Variants in HERC1 observed in about 807,000 individuals in gnomAD.
HERC1 encodes probable E3 ubiquitin-protein ligase HERC1.
Under a neutral mutation model 554.3 loss-of-function variants are expected in HERC1, and 160 were observed. The observed-to-expected ratio is 0.29, with a 90% CI of 0.25 to 0.33. HERC1 has a LOEUF of 0.33. Ranked by LOEUF, HERC1 falls within the 10% of genes least tolerant of loss-of-function variation. HERC1 has a pLI of 1.00. For missense variants in HERC1, 4,919 were observed against 5,918.5 expected (o/e 0.83, Z 5.54); for synonymous variants, 2,175 against 2,131.7 (o/e 1.02, Z -0.56).
At chr15:63,673,264 T>C (rs1354728003) in intron 38 of HERC1, among the ~76,000 whole-genome samples, 1 of 152,114 alleles carries the variant, frequency 6.6e-6, no homozygotes, top group African/African-American at 2.4e-5. Context: ...ATAACTAAAA[T>C]ATGAGTTGCT....
Position 63,674,211 on chromosome 15 carries a change from T to G in HERC1, c.7846+131A>C, listed in dbSNP as rs887398893. 8.4e-6 allele frequency: 5 copies of G among 596,748 alleles called. No homozygotes were observed. The South Asian group carries it at 1.4e-4, about 17-fold the overall frequency. 37.0% of individuals were successfully genotyped at this position (596,748 alleles called of 1,614,324 possible). On this transcript the variant is annotated intron_variant, in intron 38 of 77. Coordinates refer to ENST00000443617, the MANE Select transcript of HERC1 (RefSeq NM_003922.4). Reference sequence around the variant, plus strand: ...GAACTGTTTTCAAGAAAAAATGATGTGAAAATTGCTTTGACCAAAAAAAAA... The same window carrying G: ...GAACTGTTTTCAAGAAAAAATGATGGGAAAATTGCTTTGACCAAAAAAAAA...
chr15:63,754,715 C>T (rs908437157), intron 6 of HERC1, 67 bp from the exon 7 acceptor site: 2 of 1,406,956 alleles, frequency 1.4e-6, no homozygotes, highest in Non-Finnish European at 1.9e-6. Flanking sequence ...CTTGACTTCA[C>T]AAGTATAATA....
chr15:63,698,137 C>T (rs1012522221), intron 26 of HERC1, among the ~76,000 whole-genome samples: 1 of 152,052 alleles, frequency 6.6e-6, no homozygotes, highest in African/African-American at 2.4e-5. Flanking sequence ...GGCTCAGGGC[C>T]AGGAGTGGTG....
rs145087801 is a variant in HERC1 at position 63,717,689 on chromosome 15, G to A, written c.3978+885C>T. ...AGTTCAAAACCAGCCTGGTCAACAC[G>A]GTGAAACCCCATGTCTACTAAAAAT... On this transcript the variant is annotated intron_variant, in intron 21 of 77. Transcript: ENST00000443617. Among the ~76,000 whole-genome samples the A allele has an allele frequency of 6.1e-3, 929 of 152,150 alleles. 5 individuals are homozygous for A. Among genetic ancestry groups the A allele is most frequent in the Non-Finnish European group, 0.011 (765 of 67,982 alleles).
intron 3 of HERC1, among the ~76,000 whole-genome samples, chr15:63,762,625 C>T (rs1056643963): frequency 1.3e-5 from 2 of 152,056 alleles, no homozygotes; most frequent in Non-Finnish European, 2.9e-5. Flanking sequence ...GCACCCAGCC[C>T]ATGATATTTT....
chr15:63,696,834 T>C (rs1041471576), intron 26 of HERC1, among the ~76,000 whole-genome samples: 6 of 152,184 alleles, frequency 3.9e-5, no homozygotes, highest in Non-Finnish European at 4.4e-5. Flanking sequence ...TGAGAAATAC[T>C]TCTGAACTAT....
At chr15:63,652,657 TC>T in intron 51 of HERC1, 116 bp from the exon 52 acceptor site, 1 of 846,210 alleles carries the variant, frequency 1.2e-6, no homozygotes, top group South Asian at 1.8e-5. Flanking sequence ...AAGCATCCAT[TC>T]CTTTCTTTTC....
chr15:63,814,916 G>A (rs1399211325), intron 1 of HERC1, among the ~76,000 whole-genome samples: 4 of 152,210 alleles, frequency 2.6e-5, no homozygotes, highest in Non-Finnish European at 5.9e-5. Flanking sequence ...GTACTAATGT[G>A]AGCTATGATT....
rs921168093 is a variant in HERC1, at chr15:63,755,381, G to A, written c.1534-56C>T. On this transcript the variant is annotated intron_variant, in intron 5 of 77. Coordinates refer to ENST00000443617, the MANE Select transcript of HERC1 (RefSeq NM_003922.4). The stretch of plus-strand genomic sequence containing the variant: ...ATGCACATGTTAAAACATATAGTCC[G>A]TATTTGATCCTATACACAGAGACTT... The A allele has an allele frequency of 3.6e-5, 46 of 1,288,048 alleles. No individual in the cohort carries two copies. In the East Asian group the frequency reaches 6.0e-4, roughly 17 times the overall value. 79.8% of individuals were successfully genotyped at this position (1,288,048 alleles called of 1,614,324 possible).
chr15:63,651,111 G>A (rs1474156681), intron 53 of HERC1, 142 bp downstream of exon 53: 1 of 704,716 alleles, frequency 1.4e-6, no homozygotes, highest in African/African-American at 1.8e-5. Context: ...GAAGCACACA[G>A]TGCATAGATT....
chr15:63,649,398 T>C (rs2069552750), intron 54 of HERC1, among the ~76,000 whole-genome samples: 3 of 152,154 alleles, frequency 2.0e-5, no homozygotes, highest in African/African-American at 7.2e-5. Flanking sequence ...ATTTCATCTC[T>C]ACCAATGATT....
At position 63,609,160 on chromosome 15, in the gene HERC1, T is replaced by C; in HGVS notation, c.14507A>G (p.Asn4836Ser). The change falls in exon 78 of 78, where the codon AAC becomes AGC. Residue 4836 changes from asparagine to serine, a missense_variant. Coordinates refer to ENST00000443617, the MANE Select transcript of HERC1 (RefSeq NM_003922.4). Reference protein sequence around the residue: ...MAERLRYAINNCRSIDMDNYM... With the variant: ...MAERLRYAINSCRSIDMDNYM... ...GTTGTCCATGTCGATTGAGCGGCAG[T>C]TGTTGATGGCATAGCGCAGGCGCTC... The C allele has an allele frequency of 5.6e-6, 9 of 1,613,828 alleles. No homozygotes were observed. The highest frequency in any genetic ancestry group is 7.6e-6 in the Non-Finnish European group (9 of 1,179,850).
rs748864010 is a variant in HERC1, at chr15:63,698,746, C to A, written c.4887G>T (p.Gln1629His). ...SPQASIIAME[Q>H]QQLRAELRLE... The stretch of plus-strand genomic sequence containing the variant: ...GACTTACTTCTGCCCTTAACTGCTG[C>A]TGTTCCATTGCAATGATGGAGGCCT... Residue 1629 changes from glutamine (Q) to histidine (H), a missense_variant, in exon 26 of 78, where the codon CAG becomes CAT. Physicochemically the swap from Gln to His is conservative, Grantham distance 24. Around this residue, in one of 11 missense-constraint regions of HERC1, gnomAD observed 1,121 missense variants for 1,244.0 expected, o/e 0.90. Coordinates refer to ENST00000443617, the MANE Select transcript of HERC1 (RefSeq NM_003922.4). 6.2e-7 allele frequency: 1 copy of A among 1,613,652 alleles called. No homozygotes were observed. Among genetic ancestry groups the A allele is most frequent in the South Asian group, 1.1e-5 (1 of 91,046 alleles).
At chr15:63,625,491 C>T (rs2068264503) in intron 71 of HERC1, among the ~76,000 whole-genome samples, 2 of 151,984 alleles carry the variant, frequency 1.3e-5, no homozygotes, top group Admixed American at 1.3e-4. Context: ...GTCAGGAGTT[C>T]GAGACCAGCC....
intron 66 of HERC1, among the ~76,000 whole-genome samples, chr15:63,634,201 C>T (rs545649481): frequency 2.0e-5 from 3 of 152,256 alleles, no homozygotes; most frequent in South Asian, 4.1e-4. Flanking sequence ...ATGTCTGTGG[C>T]TAAACCATAA....
chr15:63,696,881 C>T (rs369489198), intron 26 of HERC1, among the ~76,000 whole-genome samples: 11 of 151,318 alleles, frequency 7.3e-5, no homozygotes, highest in East Asian at 3.9e-4. Flanking sequence ...CCCCTATCTT[C>T]CCTAGGAAGA....
At chr15:63,741,704 C>T (rs1311888352) in intron 12 of HERC1, among the ~76,000 whole-genome samples, 2 of 152,144 alleles carry the variant, frequency 1.3e-5, no homozygotes, top group African/African-American at 2.4e-5. Flanking sequence ...CATTCTTTTG[C>T]ATGTGGGTAT....
intron 57 of HERC1, 55 bp downstream of exon 57, chr15:63,644,937 G>A (rs1388991569): frequency 2.3e-6 from 3 of 1,293,036 alleles, no homozygotes; most frequent in Non-Finnish European, 3.4e-6. Context: ...GAATGACTCT[G>A]ATGTCATATA....
intron 43 of HERC1, among the ~76,000 whole-genome samples, chr15:63,664,006 C>T (rs2070487760): frequency 6.6e-6 from 1 of 152,160 alleles, no homozygotes; most frequent in South Asian, 2.1e-4. Flanking sequence ...AGAACGTAAT[C>T]CTAGAATTTA....
Sources: allele counts gnomAD v4.1 joint callset (sites outside exome capture counted in the v4.1 genomes callset), GRCh38; gene constraint gnomAD v4.1.1; regional missense constraint gnomAD v4.1.1; transcripts MANE v1.5; gene names NCBI Gene and HGNC (gene_info 2026-07-23, HGNC 2026-07-21).